Variants in PFDN2 observed in about 807,000 individuals in gnomAD.
The protein encoded by PFDN2 is prefoldin 2.
PFDN2 carries 7 observed loss-of-function variants against 18.3 expected under a neutral mutation model. The observed-to-expected ratio is 0.38, with a 90% CI of 0.22 to 0.72. The LOEUF (loss-of-function observed/expected upper bound fraction) is 0.72. Among genes scored for constraint, PFDN2 ranks in the 30% least tolerant of loss-of-function variants. The pLI is 0.47. For synonymous variants in PFDN2, 76 were observed against 75.0 expected, an observed-to-expected ratio of 1.01 and a Z score of -0.07; for missense variants, 181 against 199.1, an observed-to-expected ratio of 0.91 and a Z score of 0.55.
chr1:161,100,620 A>G lies in PFDN2; in HGVS notation c.*63T>C, dbSNP rs1338865273. 4.5e-6 allele frequency: 5 copies of G among 1,105,904 alleles called. No individual in the cohort carries two copies. In the Admixed American group the frequency reaches 1.0e-4, roughly 22 times the overall value. 68.5% of individuals were successfully genotyped at this position (1,105,904 alleles called of 1,614,324 possible). On this transcript the variant is annotated 3_prime_UTR_variant, in exon 4 of 4. Transcript: ENST00000368010. ...TACAATAGCAGAGAAAATAATAATAATAACAATAAAGAGAAATTAGAAGTG... is the reference window on the plus strand; with the variant it reads ...TACAATAGCAGAGAAAATAATAATAGTAACAATAAAGAGAAATTAGAAGTG...
intron 2 of PFDN2, 57 bp downstream of exon 2, chr1:161,102,230 C>T: frequency 6.2e-7 from 1 of 1,613,378 alleles, no homozygotes; most frequent in Non-Finnish European, 8.5e-7. Flanking sequence ...TACAAATCCC[C>T]CTCACGGAGT....
chr1:161,111,533 C>A (rs532857553), intron 1 of PFDN2, among the ~76,000 whole-genome samples: 8 of 152,066 alleles, frequency 5.3e-5, no homozygotes, highest in Non-Finnish European at 4.4e-5. Context: ...TTGTGACAAC[C>A]AAAAATGTCT....
At chr1:161,114,998 A>C (rs568061247) in intron 1 of PFDN2, among the ~76,000 whole-genome samples, 2 of 152,240 alleles carry the variant, frequency 1.3e-5, no homozygotes, top group Non-Finnish European at 2.9e-5. Context: ...ATAGTCTCTC[A>C]TTATCCAGAG....
At chr1:161,107,139 A>T (rs1453275877) in intron 1 of PFDN2, among the ~76,000 whole-genome samples, 3 of 152,198 alleles carry the variant, frequency 2.0e-5, no homozygotes, top group African/African-American at 7.2e-5. Flanking sequence ...AAACTGCTTA[A>T]CTAGGGCCGG....
intron 1 of PFDN2, among the ~76,000 whole-genome samples, chr1:161,111,876 T>C (rs1042369543): frequency 6.6e-6 from 1 of 152,238 alleles, no homozygotes; most frequent in Non-Finnish European, 1.5e-5. Flanking sequence ...ATTTGATATA[T>C]TCATATAATC....
intron 3 of PFDN2, 121 bp from the exon 4 acceptor site, chr1:161,100,980 C>T: frequency 1.5e-6 from 1 of 653,626 alleles, no homozygotes; most frequent in Admixed American, 2.6e-5. Flanking sequence ...AGTAGAGGAG[C>T]CCAGACATTA....
intron 1 of PFDN2, among the ~76,000 whole-genome samples, chr1:161,117,319 CT>C (rs1389489365): frequency 6.6e-6 from 1 of 152,212 alleles, no homozygotes; most frequent in African/African-American, 2.4e-5. Context: ...TATTTTTCCA[CT>C]TAGCAAAACA....
intron 3 of PFDN2, 40 bp downstream of exon 3, chr1:161,102,008 C>T (rs1654574293): frequency 6.2e-7 from 1 of 1,611,078 alleles, no homozygotes; most frequent in Non-Finnish European, 8.5e-7. Context: ...GCTGGGTTTA[C>T]AGCCACTGTA....
chr1:161,107,901 G>A (rs1385292236), intron 1 of PFDN2, among the ~76,000 whole-genome samples: 2 of 151,172 alleles, frequency 1.3e-5, no homozygotes, highest in Admixed American at 6.6e-5. Flanking sequence ...ATCACCTGAG[G>A]TCAGGAGTTC....
intron 3 of PFDN2, 29 bp from the exon 4 acceptor site, chr1:161,100,888 A>T: frequency 6.4e-7 from 1 of 1,558,804 alleles, no homozygotes; most frequent in Non-Finnish European, 8.8e-7. Flanking sequence ...GGATTATATA[A>T]GGAATTCAGG....
At chr1:161,102,464 TGCA>T in intron 1 of PFDN2, 89 bp from the exon 2 acceptor site, 1 of 958,554 alleles carries the variant, frequency 1.0e-6, no homozygotes, top group African/African-American at 1.6e-5. Flanking sequence ...TTTACAAAGG[TGCA>T]GTAGTGGGCA....
chr1:161,116,228 C>G (rs1233199135), intron 1 of PFDN2, among the ~76,000 whole-genome samples: 1 of 151,028 alleles, frequency 6.6e-6, no homozygotes. Context: ...AACTCTGTCT[C>G]TAAAAAAAAA....
chr1:161,100,654 G>A lies in PFDN2; in HGVS notation c.*29C>T. 2 of 1,446,370 alleles carry A rather than the reference G, an allele frequency of 1.4e-6. No individual in the cohort carries two copies. Among genetic ancestry groups the A allele is most frequent in the Non-Finnish European group, 1.9e-6 (2 of 1,069,520 alleles). 89.6% of individuals were successfully genotyped at this position (1,446,370 alleles called of 1,614,324 possible). A position where few individuals can be genotyped will look rare whatever the true frequency, so the allele number is the denominator to read the frequency against. The stretch of plus-strand genomic sequence containing the variant: ...AAGAGAAATTAGAAGTGGGAGTCAG[G>A]GTAGAAAAAAATGCAAAGGCCTTGG... On this transcript the variant is annotated 3_prime_UTR_variant, in exon 4 of 4. Transcript: ENST00000368010.
At chr1:161,107,959 CA>C (rs1654718593) in intron 1 of PFDN2, among the ~76,000 whole-genome samples, 1 of 145,756 alleles carries the variant, frequency 6.9e-6, no homozygotes. Context: ...ACTAAAAATA[CA>C]AAAAATTAGC....
At chr1:161,102,784 T>A (rs1654593880) in intron 1 of PFDN2, among the ~76,000 whole-genome samples, 1 of 151,822 alleles carries the variant, frequency 6.6e-6, no homozygotes, top group South Asian at 2.1e-4. Flanking sequence ...ATGGTGAAAC[T>A]CTGTCGCTAC....
chr1:161,100,987 A>T (rs1654544510), intron 3 of PFDN2, 128 bp from the exon 4 acceptor site: 1 of 624,084 alleles, frequency 1.6e-6, no homozygotes, highest in Admixed American at 2.7e-5. Flanking sequence ...GAGCCCAGAC[A>T]TTAAAATTAT....
Position 161,117,984 on chromosome 1 carries a change from C to T in PFDN2, c.43G>A (p.Gly15Ser). The T allele has an allele frequency of 6.2e-7, 1 of 1,612,882 alleles. No individual in the cohort carries two copies. The highest frequency in any genetic ancestry group is 8.5e-7 in the Non-Finnish European group (1 of 1,179,550). The change falls in exon 1 of 4, where the codon GGC becomes AGC. Residue 15 changes from glycine to serine, a missense_variant. Coordinates refer to ENST00000368010, the MANE Select transcript of PFDN2 (RefSeq NM_012394.4). ...GCGGACACCGCCCCCTTCCCCGCGC[C>T]GCTCCCGCTGCTCTTGCCGGCGCGA... ...SGRAGKSSGS[G>S]AGKGAVSAEQ...
intron 1 of PFDN2, among the ~76,000 whole-genome samples, chr1:161,104,902 T>G (rs1372639839): frequency 6.6e-6 from 1 of 152,190 alleles, no homozygotes; most frequent in Non-Finnish European, 1.5e-5. Flanking sequence ...TATCACCCCT[T>G]CATCTCAAGC....
chr1:161,107,255 C>T (rs1237945803), intron 1 of PFDN2, among the ~76,000 whole-genome samples: 1 of 152,040 alleles, frequency 6.6e-6, no homozygotes, highest in Non-Finnish European at 1.5e-5. Flanking sequence ...GAAACCCGGT[C>T]TTTACTAATA....
Sources: gnomAD v4.1 joint callset for allele counts (sites outside exome capture counted in the v4.1 genomes callset) on GRCh38, gnomAD v4.1.1 for gene constraint, MANE v1.5 for transcripts, NCBI Gene and HGNC (gene_info 2026-07-23, HGNC 2026-07-21) for gene names.